CDH26: variants seen among roughly 807,000 people sequenced by gnomAD.
CDH26 encodes the protein cadherin-like protein 26.
CDH26 carries 83 observed loss-of-function variants against 90.3 expected under a neutral mutation model. The ratio of observed to expected loss-of-function variants is 0.92; its 90% CI spans 0.77 to 1.10. CDH26 has a LOEUF of 1.10. Among genes scored for constraint, CDH26 ranks in the 50% least tolerant of loss-of-function variants. CDH26 has a pLI of 0.00. For missense variants in CDH26, 1,013 were observed against 1,037.6 expected (o/e 0.98, Z 0.33); for synonymous variants, 397 against 396.3 (o/e 1.00, Z -0.02).
chr20:59,999,798 C>A, intron 14 of CDH26, 135 bp downstream of exon 14: 1 of 707,438 alleles, frequency 1.4e-6, no homozygotes, highest in Non-Finnish European at 2.4e-6. Flanking sequence ...AACCCCAGCC[C>A]CTACTTGCAA....
chr20:60,018,937 G>A (rs1197847725), downstream of CDH26, among the ~76,000 whole-genome samples: 1 of 151,754 alleles, frequency 6.6e-6, no homozygotes, highest in African/African-American at 2.4e-5. Flanking sequence ...TTGCTTGTCT[G>A]TGAAAGATTT....
chr20:60,009,564 C>T (rs995520394), intron 17 of CDH26, among the ~76,000 whole-genome samples: 7 of 152,126 alleles, frequency 4.6e-5, no homozygotes, highest in Non-Finnish European at 7.3e-5. Context: ...CCTCCCTCTG[C>T]GGGGCAGGGA....
chr20:59,994,251 C>T lies in CDH26; in HGVS notation c.1428C>T (p.Gly476=), dbSNP rs1264167796. 1 of 1,613,786 alleles carries T rather than the reference C, an allele frequency of 6.2e-7. No individual in the cohort carries two copies. Among genetic ancestry groups the T allele is most frequent in the East Asian group, 2.2e-5 (1 of 44,866 alleles). ...CCTGAAACTTCCTCCCCATACAAGG[C>T]TTCCCACCGCAGACTGCTACAGGGA... is the stretch of plus-strand genomic sequence containing the variant. ...YVIIIHAVDD[G]FPPQTATGTL... The change falls in exon 11 of 18, where the codon GGC becomes GGT. Residue 476 remains glycine (G), a splice_region_variant and synonymous_variant. Coordinates refer to ENST00000348616, the MANE Select transcript of CDH26 (RefSeq NM_177980.4).
chr20:59,994,640 T>C (rs757622500), intron 11 of CDH26, 151 bp downstream of exon 11: 19 of 923,828 alleles, frequency 2.1e-5, no homozygotes, highest in Non-Finnish European at 2.9e-5. Context: ...AGGATATCCC[T>C]GGATATCCTT....
chr20:60,029,309 T>C (rs62205081), intron 7 of CDH26, among the ~76,000 whole-genome samples: 9 of 143,936 alleles, frequency 6.3e-5, no homozygotes, highest in South Asian at 2.3e-4. Context: ...CAACGTAGCA[T>C]CTATAGTCAA....
chr20:59,962,444 G>A (rs949527466), intron 1 of CDH26, among the ~76,000 whole-genome samples: 1 of 152,264 alleles, frequency 6.6e-6, no homozygotes, highest in Non-Finnish European at 1.5e-5. Flanking sequence ...GCTGTTTCTT[G>A]GCTTGCAGCT....
intron 4 of CDH26, among the ~76,000 whole-genome samples, chr20:59,974,240 G>T (rs1054636930): frequency 1.3e-4 from 20 of 151,784 alleles, no homozygotes; most frequent in East Asian, 7.7e-4. Context: ...TTTTAATGGG[G>T]TTTTTTTTCT....
intron 4 of CDH26, among the ~76,000 whole-genome samples, chr20:59,978,623 C>T (rs2061354224): frequency 6.6e-6 from 1 of 152,092 alleles, no homozygotes; most frequent in African/African-American, 2.4e-5. Flanking sequence ...GTCCCCCCAC[C>T]TCGGCCTCCC....
At chr20:59,989,193 G>A (rs1428773361) in intron 9 of CDH26, 30 bp downstream of exon 9, 3 of 1,610,970 alleles carry the variant, frequency 1.9e-6, no homozygotes, top group Admixed American at 1.7e-5. Context: ...AAGGGCGGTT[G>A]TTTAAGTGGA....
rs371501209 is a variant in CDH26 at position 59,970,238 on chromosome 20, C to T, written c.231+52C>T. On this transcript the variant is annotated intron_variant, in intron 3 of 17. Transcript: ENST00000348616. ...CCCCATCATGCCCTCTAAGTAAGCACGCCCCTTTGGCCAGGAAGATTAAGT... is the reference window on the plus strand; with the variant it reads ...CCCCATCATGCCCTCTAAGTAAGCATGCCCCTTTGGCCAGGAAGATTAAGT... The T allele has an allele frequency of 5.1e-5, 82 of 1,596,400 alleles. 1 individual carries two copies. In the East Asian group the frequency reaches 9.2e-4, roughly 18 times the overall value.
intron 11 of CDH26, 126 bp from the exon 12 acceptor site, chr20:59,995,707 C>T (rs1409768741): frequency 2.5e-6 from 2 of 791,936 alleles, no homozygotes; most frequent in Non-Finnish European, 2.1e-6. Flanking sequence ...GGACCCCTCC[C>T]TCTAACTCTG....
Position 59,970,809 on chromosome 20 carries a change from AAAATAAAT to A in CDH26, c.231+662_231+669del, listed in dbSNP as rs34187396. On this transcript the variant is annotated intron_variant, in intron 3 of 17. Coordinates refer to ENST00000348616, the MANE Select transcript of CDH26 (RefSeq NM_177980.4). Reference sequence around the variant, plus strand: ...TGGGCGACAGCGAGACTCTGTCTCAAAAATAAATAAATAAATAAATAAATAAATAAATA... The same window carrying A: ...TGGGCGACAGCGAGACTCTGTCTCAAAAATAAATAAATAAATAAATAAATA... Among the ~76,000 whole-genome samples the A allele has an allele frequency of 4.5e-3, 650 of 144,084 alleles. 8 individuals carry two copies. The highest frequency in any genetic ancestry group is 9.5e-3 in the African/African-American group (371 of 38,954). The allele number at this position is 144,084 out of a possible 152,430, so 94.5% of individuals were successfully genotyped here.
chr20:59,980,547 C>CT (rs746077183), intron 4 of CDH26, among the ~76,000 whole-genome samples: 1 of 152,202 alleles, frequency 6.6e-6, no homozygotes, highest in South Asian at 2.1e-4. Context: ...ATCCACCCGG[C>CT]TAGGCCTCCC....
chr20:59,968,998 C>G lies in CDH26; in HGVS notation c.101C>G (p.Thr34Arg). ...ATCATTGACAGTGTTCAACAGGAAACAGATGATCTTACTAAGCAAACAAAG... is the reference window on the plus strand; with the variant it reads ...ATCATTGACAGTGTTCAACAGGAAAGAGATGATCTTACTAAGCAAACAAAG... ...VSIIDSVQQE[T>R]DDLTKQTKEK... The change falls in exon 2 of 18, where the codon ACA becomes AGA. Residue 34 changes from threonine (T) to arginine (R), a missense_variant. Thr to Arg is a moderately conservative substitution (Grantham distance 71). Coordinates refer to ENST00000348616, the MANE Select transcript of CDH26 (RefSeq NM_177980.4). 1 of 1,592,014 alleles carries G rather than the reference C, an allele frequency of 6.3e-7. No homozygotes were observed. Among genetic ancestry groups the G allele is most frequent in the South Asian group, 1.1e-5 (1 of 90,044 alleles).
intron 8 of CDH26, among the ~76,000 whole-genome samples, chr20:60,033,010 AAG>A (rs1555904916): frequency 1.3e-5 from 2 of 152,188 alleles, no homozygotes; most frequent in Non-Finnish European, 2.9e-5. Flanking sequence ...ATAAAAAAAA[AAG>A]AATCACATTT....
At chr20:60,011,723 CA>C (rs780464209) in intron 17 of CDH26, among the ~76,000 whole-genome samples, 1 of 152,136 alleles carries the variant, frequency 6.6e-6, no homozygotes, top group Non-Finnish European at 1.5e-5. Context: ...GCCCCTGTAA[CA>C]GGGGGTGCGC....
Position 59,992,593 on chromosome 20 carries a change from C to T in CDH26, c.1426+73C>T, listed in dbSNP as rs775105033. 612 of 1,455,506 alleles carry T rather than the reference C, an allele frequency of 4.2e-4. No individual in the cohort carries two copies. The highest frequency in any genetic ancestry group is 5.2e-4 in the Middle Eastern group (3 of 5,758). The allele number at this position is 1,455,506 out of a possible 1,614,324, so 90.2% of individuals were successfully genotyped here. A position where few individuals can be genotyped will look rare whatever the true frequency, so the allele number is the denominator to read the frequency against. Reference sequence around the variant, plus strand: ...CCTGCGGGAAAATAACCCTGGTGAGCGTCTTTCAGCACAGCAGAGAAAAGG... The same window carrying T: ...CCTGCGGGAAAATAACCCTGGTGAGTGTCTTTCAGCACAGCAGAGAAAAGG... On this transcript the variant is annotated intron_variant, in intron 10 of 17. Transcript: ENST00000348616. This position sits in a 1 kb window ranked among gnomAD's most constrained non-coding sequence, Gnocchi z 5.0.
At chr20:59,990,866 CT>C (rs369782785) in intron 9 of CDH26, among the ~76,000 whole-genome samples, 10,732 of 144,990 alleles carry the variant, frequency 0.074, 916 homozygotes, top group African/African-American at 0.21. Context: ...AATTTCTTTT[CT>C]TTTTTTTTTT....
chr20:60,016,365 G>C (rs1274981987), downstream of CDH26, among the ~76,000 whole-genome samples: 1 of 151,952 alleles, frequency 6.6e-6, no homozygotes, highest in African/African-American at 2.4e-5. Context: ...TGATATTTTA[G>C]TTTTTTGTAG....
Sources: allele counts gnomAD v4.1 joint callset (sites outside exome capture counted in the v4.1 genomes callset), GRCh38; gene constraint gnomAD v4.1.1; non-coding constraint Gnocchi (gnomAD v3.1); transcripts MANE v1.5; gene names NCBI Gene and HGNC (gene_info 2026-07-23, HGNC 2026-07-21).